The following HSH2D variants were observed in gnomAD, a reference collection of about 807,000 sequenced individuals.
HSH2D encodes hematopoietic SH2 domain containing.
A neutral mutation model predicts 21.5 loss-of-function variants in HSH2D; 16 were observed. The observed-to-expected ratio is 0.74, with a 90% CI of 0.50 to 1.13. The LOEUF (loss-of-function observed/expected upper bound fraction) is 1.13. Ranked by LOEUF, HSH2D falls within the 50% of genes most tolerant of loss-of-function variation. The probability of loss-of-function intolerance (pLI) is 0.00; values close to 1 mark genes in which losing one functional copy is unlikely to be tolerated. For synonymous variants in HSH2D, 172 were observed against 184.7 expected (o/e 0.93, Z 0.56); for missense variants, 418 against 441.4 (o/e 0.95, Z 0.47).
chr19:16,152,108 CAAAAA>C (rs35744412), intron 2 of HSH2D, among the ~76,000 whole-genome samples: 2 of 89,152 alleles, frequency 2.2e-5, no homozygotes, highest in East Asian at 3.4e-4. Context: ...TCTGTCTCAA[CAAAAA>C]AAAAAAAAAA....
rs934958160 is a variant in HSH2D at position 16,157,746 on chromosome 19, C to T, written c.1011C>T (p.Leu337=). The change falls in exon 6 of 6, where the codon CTC becomes CTT. Residue 337 remains leucine (L), a synonymous_variant. Coordinates refer to ENST00000613986, the MANE Select transcript of HSH2D (RefSeq NM_001382417.1). The surrounding 1 kb of genome is among the most constrained non-coding windows in gnomAD (Gnocchi z 4.4). ...TGGCAGAGCCTGAGAACGACCAGCT[C>T]CCGGAGGAGTACCAACAACCGCCAC... ...QGLAEPENDQ[L]PEEYQQPPPF... 3 of 1,611,960 alleles carry T rather than the reference C, an allele frequency of 1.9e-6. No individual in the cohort carries two copies. Among genetic ancestry groups the T allele is most frequent in the Non-Finnish European group, 2.5e-6 (3 of 1,179,588 alleles).
chr19:16,142,291 G>A (rs142789047), upstream of HSH2D, among the ~76,000 whole-genome samples: 47 of 152,134 alleles, frequency 3.1e-4, no homozygotes, highest in African/African-American at 1.1e-3. Flanking sequence ...TCTGCACTAC[G>A]CACTCCCCAA....
chr19:16,143,744 C>T lies in HSH2D; in HGVS notation c.-58C>T, dbSNP rs962461739. The T allele has an allele frequency of 1.3e-5, 6 of 453,654 alleles. No homozygotes were observed. Among genetic ancestry groups the T allele is most frequent in the Admixed American group, 4.7e-5 (2 of 42,360 alleles). The allele number at this position is 453,654 out of a possible 1,614,324, so 28.1% of individuals were successfully genotyped here. ...CCTGCAGGCACTGGCACAGCTACAG[C>T]GAGGGCCTCGGCCATCCAAGGGTCT... On this transcript the variant is annotated 5_prime_UTR_variant, in exon 1 of 6. Coordinates refer to ENST00000613986, the MANE Select transcript of HSH2D (RefSeq NM_001382417.1).
chr19:16,157,882 A>C lies in HSH2D; in HGVS notation c.*88A>C. ...AACATTTCTTCCATGGCCCCACACC[A>C]TGGCATCCGGGGGTCTTCGGGAACC... On this transcript the variant is annotated 3_prime_UTR_variant, in exon 6 of 6. Transcript: ENST00000613986. The surrounding 1 kb of genome is among the most constrained non-coding windows in gnomAD (Gnocchi z 4.4). 9.9e-7 allele frequency: 1 copy of C among 1,006,806 alleles called. No individual in the cohort carries two copies. The highest frequency in any genetic ancestry group is 1.4e-6 in the Non-Finnish European group (1 of 704,594). The allele number at this position is 1,006,806 out of a possible 1,614,324, so 62.4% of individuals were successfully genotyped here. A position where few individuals can be genotyped will look rare whatever the true frequency, so the allele number is the denominator to read the frequency against.
chr19:16,155,959 C>T (rs2091231316), intron 5 of HSH2D, among the ~76,000 whole-genome samples: 1 of 151,642 alleles, frequency 6.6e-6, no homozygotes, highest in Non-Finnish European at 1.5e-5. Context: ...AAGGGGCTTT[C>T]CTGGGCACTG....
At chr19:16,146,683 C>T (rs895893130) in intron 1 of HSH2D, among the ~76,000 whole-genome samples, 4 of 151,760 alleles carry the variant, frequency 2.6e-5, no homozygotes, top group Non-Finnish European at 5.9e-5. Flanking sequence ...GAAACCCTGT[C>T]TCAAAAAAAA....
At position 16,157,619 on chromosome 19, in the gene HSH2D, G is replaced by A. The variant is rs553287360; in HGVS notation, c.884G>A (p.Arg295Lys). ...AAGGTCCCCACCAGGAAGGCCGAGAGGTCGGTCAGCTGCATTGAGGTGACC... is the reference window on the plus strand; with the variant it reads ...AAGGTCCCCACCAGGAAGGCCGAGAAGTCGGTCAGCTGCATTGAGGTGACC... ...DRKVPTRKAE[R>K]SVSCIEVTPG... is the part of the protein sequence containing the mutation. The change falls in exon 6 of 6, where the codon AGG becomes AAG. Residue 295 changes from arginine to lysine, a missense_variant. Arg to Lys is a conservative substitution (Grantham distance 26, BLOSUM62 2). Coordinates refer to ENST00000613986, the MANE Select transcript of HSH2D (RefSeq NM_001382417.1). This position sits in a 1 kb window ranked among gnomAD's most constrained non-coding sequence, Gnocchi z 4.4. 1.2e-6 allele frequency: 2 copies of A among 1,613,744 alleles called. No individual in the cohort carries two copies. The highest frequency in any genetic ancestry group is 1.7e-6 in the Non-Finnish European group (2 of 1,179,826).
intron 1 of HSH2D, among the ~76,000 whole-genome samples, chr19:16,135,547 CTT>C (rs1163229283): frequency 6.6e-6 from 1 of 152,204 alleles, no homozygotes; most frequent in African/African-American, 2.4e-5. Context: ...ACTCCTTCCT[CTT>C]TCTCTGGCTG....
chr19:16,147,797 C>T (rs574149680), intron 1 of HSH2D, among the ~76,000 whole-genome samples: 5 of 152,010 alleles, frequency 3.3e-5, no homozygotes, highest in Admixed American at 6.6e-5. Context: ...AGGCACAGGC[C>T]GCTGTGCCCA....
upstream of HSH2D, among the ~76,000 whole-genome samples, chr19:16,143,245 C>T (rs758177336): frequency 7.9e-5 from 12 of 152,054 alleles, no homozygotes; most frequent in African/African-American, 7.2e-5. Context: ...CCGCCACACC[C>T]GGCTGATTTT....
At chr19:16,143,103 GAGA>G (rs1194077564), upstream of HSH2D, among the ~76,000 whole-genome samples, 1 of 150,326 alleles carries the variant, frequency 6.7e-6, no homozygotes, top group Non-Finnish European at 1.5e-5. Flanking sequence ...TTTTTGTTTT[GAGA>G]AGGAGTCTCA....
At chr19:16,144,981 C>T (rs1057401533) in intron 1 of HSH2D, among the ~76,000 whole-genome samples, 5 of 150,536 alleles carry the variant, frequency 3.3e-5, no homozygotes, top group Admixed American at 6.6e-5. Flanking sequence ...CATGAGCCAC[C>T]GCACCTGTCC....
rs71334801 is a variant in HSH2D at position 16,144,842 on chromosome 19, G to A, written c.-28+1068G>A. 6.0e-4 allele frequency among the ~76,000 whole-genome samples: 91 copies of A among 150,516 alleles called. No individual in the cohort carries two copies. The East Asian group carries it at 7.5e-3, about 12-fold the overall frequency. ...CAAGTAGCTGAGACTACAGGCGCCC[G>A]CCACCACACCCAGCTAATTTTTCGT... is the stretch of plus-strand genomic sequence containing the variant. On this transcript the variant is annotated intron_variant, in intron 1 of 5. Coordinates refer to ENST00000613986, the MANE Select transcript of HSH2D (RefSeq NM_001382417.1).
At chr19:16,151,968 A>G (rs1411870100) in intron 2 of HSH2D, among the ~76,000 whole-genome samples, 3 of 148,960 alleles carry the variant, frequency 2.0e-5, no homozygotes, top group East Asian at 2.0e-4. Context: ...AAAGTTGGGC[A>G]TGGTGGCGGG....
In HSH2D at chr19:16,148,694, A is replaced by G; in HGVS notation, c.-27-30A>G. 2.5e-6 allele frequency: 4 copies of G among 1,608,394 alleles called. No individual in the cohort carries two copies. In the South Asian group the frequency reaches 4.4e-5, roughly 18 times the overall value. On this transcript the variant is annotated intron_variant, in intron 1 of 5. Coordinates refer to ENST00000613986, the MANE Select transcript of HSH2D (RefSeq NM_001382417.1). ...AAAGATAAGAGGTGCATCAAGCTTGATTCTTGTCTTCCCTCCCTTCTCTAC... is the reference window on the plus strand; with the variant it reads ...AAAGATAAGAGGTGCATCAAGCTTGGTTCTTGTCTTCCCTCCCTTCTCTAC...
At chr19:16,136,727 T>C (rs370823616) in intron 1 of HSH2D, among the ~76,000 whole-genome samples, 257 of 152,210 alleles carry the variant, frequency 1.7e-3, no homozygotes, top group African/African-American at 5.7e-3. Flanking sequence ...ATGGGCAACA[T>C]GGCACAGCTC....
upstream of HSH2D, chr19:16,142,049 G>C (rs2091003885): frequency 6.6e-6 from 1 of 152,178 alleles, no homozygotes; most frequent in Non-Finnish European, 1.5e-5. Flanking sequence ...TCATACCACT[G>C]CACTCCAGCC....
At chr19:16,143,425 C>T (rs1002803832), upstream of HSH2D, among the ~76,000 whole-genome samples, 1 of 152,172 alleles carries the variant, frequency 6.6e-6, no homozygotes, top group African/African-American at 2.4e-5. Flanking sequence ...CTCTTCACTG[C>T]TTGATAGATT....
chr19:16,149,317 C>T (rs2091116458), intron 2 of HSH2D, among the ~76,000 whole-genome samples: 1 of 152,202 alleles, frequency 6.6e-6, no homozygotes, highest in Non-Finnish European at 1.5e-5. Flanking sequence ...ATTCTTCCGC[C>T]TCAACTTGCT....
Sources: gnomAD v4.1 joint callset for allele counts (sites outside exome capture counted in the v4.1 genomes callset) on GRCh38, gnomAD v4.1.1 for gene constraint, Gnocchi (gnomAD v3.1) non-coding constraint, MANE v1.5 for transcripts, NCBI Gene and HGNC (gene_info 2026-07-23, HGNC 2026-07-21) for gene names.